APOOL: variants seen among roughly 807,000 people sequenced by gnomAD.
APOOL encodes the protein apolipoprotein O like.
A neutral mutation model predicts 23.1 loss-of-function variants in APOOL; 12 were observed. The observed-to-expected ratio is 0.52, with a 90% CI of 0.33 to 0.84. The LOEUF (loss-of-function observed/expected upper bound fraction) is 0.84. Ranked by LOEUF, APOOL falls within the 40% of genes least tolerant of loss-of-function variation. The probability of loss-of-function intolerance (pLI) is 0.02; values close to 1 mark genes in which losing one functional copy is unlikely to be tolerated. For missense variants in APOOL, 212 were observed against 199.6 expected (o/e 1.06, Z -0.37); for synonymous variants, 77 against 69.9 (o/e 1.10, Z -0.51).
chrX:85,067,014 A>G, intron 5 of APOOL, 113 bp from the exon 6 acceptor site: 1 of 463,237 alleles, frequency 2.2e-6, no homozygotes, highest in East Asian at 3.8e-5. Context: ...CTAAAAAGTA[A>G]TTTAACAGAG....
intron 1 of APOOL, among the ~76,000 whole-genome samples, chrX:85,009,118 C>T (rs1921185757): frequency 9.0e-6 from 1 of 111,514 alleles, no homozygotes; most frequent in South Asian, 3.7e-4. Flanking sequence ...CTGCAGTTCC[C>T]TGAGTTTATT....
chrX:85,092,916 T>G lies in APOOL; in HGVS notation c.*5238T>G, dbSNP rs183882467. On this transcript the variant is annotated 3_prime_UTR_variant, in exon 9 of 9. Coordinates refer to ENST00000373173, the MANE Select transcript of APOOL (RefSeq NM_198450.6). ...CCTGTGTTTTTGAATAAAAATGCTT[T>G]CTAATCTCCCTCCTTCTTACTTTCC... 23 of 325,498 alleles carry G rather than the reference T, an allele frequency of 7.1e-5. No individual in the cohort carries two copies. In the Admixed American group the frequency reaches 1.1e-3, roughly 16 times the overall value. 26.8% of individuals were successfully genotyped at this position (325,498 alleles called of 1,213,427 possible).
intron 8 of APOOL, among the ~76,000 whole-genome samples, chrX:85,075,784 G>A (rs1923817027): frequency 9.0e-6 from 1 of 111,605 alleles, no homozygotes; most frequent in South Asian, 3.8e-4. Flanking sequence ...TGTCTTGGGT[G>A]ATGTGGTATA....
chrX:85,061,108 C>T (rs901488072), intron 5 of APOOL, among the ~76,000 whole-genome samples: 3 of 111,274 alleles, frequency 2.7e-5, no homozygotes, highest in African/African-American at 9.8e-5. Flanking sequence ...TGAATTTTGT[C>T]AAAGGCCTTT....
intron 8 of APOOL, among the ~76,000 whole-genome samples, chrX:85,078,394 G>A (rs1278398107): frequency 1.8e-5 from 2 of 111,220 alleles, no homozygotes; most frequent in African/African-American, 6.5e-5. Flanking sequence ...AAGATCAGAT[G>A]GTTGTAGATG....
intron 6 of APOOL, among the ~76,000 whole-genome samples, chrX:85,072,856 T>G (rs2147661224): frequency 8.9e-6 from 1 of 112,277 alleles, no homozygotes; most frequent in Non-Finnish European, 1.9e-5. Flanking sequence ...TAATTTATTT[T>G]AAAATTTAAT....
chrX:85,027,568 A>C (rs1055830888), intron 1 of APOOL, among the ~76,000 whole-genome samples: 2 of 111,521 alleles, frequency 1.8e-5, no homozygotes, highest in African/African-American at 3.3e-5. Context: ...ATGAAGTCTC[A>C]GCTATCTGAT....
Position 85,087,649 on chromosome X carries a change from G to A in APOOL, c.778G>A (p.Asp260Asn). Reference protein sequence around the residue: ...LMDHGQSHPEDIDMYSTRS With the variant: ...LMDHGQSHPENIDMYSTRS The stretch of plus-strand genomic sequence containing the variant: ...GGATCACGGGCAGTCCCACCCAGAA[G>A]ATATAGATATGTACAGCACTAGAAG... Residue 260 changes from aspartate to asparagine, a missense_variant, in exon 9 of 9, where the codon GAT (aspartate) becomes AAT (asparagine). By Grantham distance (23) the Asp-to-Asn change is conservative. Transcript: ENST00000373173. 1 of 1,198,797 alleles carries A rather than the reference G, an allele frequency of 8.3e-7. No individual in the cohort carries two copies. The highest frequency in any genetic ancestry group is 1.1e-6 in the Non-Finnish European group (1 of 888,760).
At chrX:85,084,851 A>G (rs772962248) in intron 8 of APOOL, among the ~76,000 whole-genome samples, 3 of 111,741 alleles carry the variant, frequency 2.7e-5, no homozygotes, top group African/African-American at 6.5e-5. Flanking sequence ...CAGTTGATGG[A>G]CATTGTTAAG....
Position 85,090,437 on chromosome X carries a change from A to G in APOOL, c.*2759A>G, listed in dbSNP as rs1246310115. On this transcript the variant is annotated 3_prime_UTR_variant, in exon 9 of 9. Coordinates refer to ENST00000373173, the MANE Select transcript of APOOL (RefSeq NM_198450.6). ...CCCTATTCTTCTAACCCATTTGTCT[A>G]TTATGATATAGTTGTCTTGACAACT... The G allele has an allele frequency of 9.0e-6, 1 of 111,226 alleles. No homozygotes were observed. The highest frequency in any genetic ancestry group is 9.6e-5 in the Admixed American group (1 of 10,444). The allele number at this position is 111,226 out of a possible 1,213,427, so 9.2% of individuals were successfully genotyped here.
intron 1 of APOOL, among the ~76,000 whole-genome samples, chrX:85,014,475 G>A (rs1356574856): frequency 2.7e-5 from 3 of 109,334 alleles, no homozygotes; most frequent in Non-Finnish European, 5.7e-5. Flanking sequence ...TCAAGATTTA[G>A]AACTGCTTTT....
intron 1 of APOOL, among the ~76,000 whole-genome samples, chrX:85,008,403 G>A (rs185396763): frequency 3.6e-5 from 4 of 111,359 alleles, no homozygotes; most frequent in Admixed American, 2.9e-4. Context: ...AAAATTCCAC[G>A]TACAAATAAA....
At chrX:85,020,653 A>G (rs1325481437) in intron 1 of APOOL, among the ~76,000 whole-genome samples, 10 of 111,222 alleles carry the variant, frequency 9.0e-5, no homozygotes, top group Admixed American at 8.5e-4. Flanking sequence ...ACTGTCCTCA[A>G]TGTTGAGCTG....
chrX:85,013,264 G>A (rs1328101438), intron 1 of APOOL, among the ~76,000 whole-genome samples: 2 of 111,137 alleles, frequency 1.8e-5, no homozygotes, highest in African/African-American at 3.3e-5. Context: ...TTTCTTAATC[G>A]TTTCAAATAA....
In APOOL at chrX:85,030,691, T is replaced by A. The variant is rs1922009221; in HGVS notation, c.16-15755T>A. Among the ~76,000 whole-genome samples the A allele has an allele frequency of 2.7e-5, 3 of 111,212 alleles. No individual in the cohort carries two copies. The Admixed American group carries it at 2.9e-4, about 11-fold the overall frequency. On this transcript the variant is annotated intron_variant, in intron 1 of 8. Coordinates refer to ENST00000373173, the MANE Select transcript of APOOL (RefSeq NM_198450.6). ...AATACCCTCTGTTCTCACTTATAAG[T>A]GGGAGTTAAGCTATAGGTATGCAAA...
At chrX:85,054,510 A>G in intron 4 of APOOL, 112 bp downstream of exon 4, 1 of 566,877 alleles carries the variant, frequency 1.8e-6, no homozygotes, top group Non-Finnish European at 2.7e-6. Context: ...ACCAACTCAG[A>G]AGGTACTCTC....
At chrX:85,051,122 A>T (rs1922753416) in intron 2 of APOOL, among the ~76,000 whole-genome samples, 1 of 111,581 alleles carries the variant, frequency 9.0e-6, no homozygotes, top group Admixed American at 9.6e-5. Context: ...CTGGGTGTGC[A>T]AAGACAGTAG....
At chrX:85,078,565 C>T (rs1333064463) in intron 8 of APOOL, among the ~76,000 whole-genome samples, 2 of 111,052 alleles carry the variant, frequency 1.8e-5, no homozygotes, top group African/African-American at 3.3e-5. Flanking sequence ...ATTGACTTGG[C>T]GATGCGGGCT....
rs780802073 is a variant in APOOL, at chrX:85,071,821, G to A, written c.487-2177G>A. On this transcript the variant is annotated intron_variant, in intron 6 of 8. Coordinates refer to ENST00000373173, the MANE Select transcript of APOOL (RefSeq NM_198450.6). The stretch of plus-strand genomic sequence containing the variant: ...ATGTATTAAGAACTCCTGGCCAGGC[G>A]TGGTGGCTCATGCCTGTAATCCCAG... Among the ~76,000 whole-genome samples, 5 of 112,251 alleles carry A rather than the reference G, an allele frequency of 4.5e-5. No individual in the cohort carries two copies. The South Asian group carries it at 1.1e-3, about 25-fold the overall frequency.
Sources: allele counts gnomAD v4.1 joint callset (sites outside exome capture counted in the v4.1 genomes callset), GRCh38; gene constraint gnomAD v4.1.1; transcripts MANE v1.5; gene names NCBI Gene and HGNC (gene_info 2026-07-23, HGNC 2026-07-21).